KYNU: variants seen among roughly 807,000 people sequenced by gnomAD.
KYNU encodes the protein L-kynurenine hydrolase.
A neutral mutation model predicts 59.2 loss-of-function variants in KYNU; 54 were observed. The ratio of observed to expected loss-of-function variants is 0.91; its 90% confidence interval spans 0.73 to 1.14. The LOEUF (loss-of-function observed/expected upper bound fraction) is 1.14. Among genes scored for constraint, KYNU ranks in the 50% most tolerant of loss-of-function variants. KYNU has a pLI of 0.00. For synonymous variants in KYNU, 177 were observed against 192.0 expected, an observed-to-expected ratio of 0.92 and a Z score of 0.65; for missense variants, 567 against 554.4, an observed-to-expected ratio of 1.02 and a Z score of -0.23.
intron 4 of KYNU, among the ~76,000 whole-genome samples, chr2:142,932,152 G>T (rs1479100428): frequency 6.6e-6 from 1 of 152,162 alleles, no homozygotes; most frequent in Non-Finnish European, 1.5e-5. Context: ...TCTCAGACAT[G>T]GCTGGAAAGG....
chr2:142,960,724 G>T lies in KYNU; in HGVS notation c.683G>T (p.Gly228Val), dbSNP rs1684315275. 6.2e-7 allele frequency: 1 copy of T among 1,613,828 alleles called. No homozygotes were observed. Among genetic ancestry groups the T allele is most frequent in the African/African-American group, 1.3e-5 (1 of 74,880 alleles). Residue 228 changes from glycine (G) to valine (V), a missense_variant, in exon 8 of 14, where the codon GGA becomes GTA. By Grantham distance (109) the Gly-to-Val change is moderately radical. Coordinates refer to ENST00000264170, the MANE Select transcript of KYNU (RefSeq NM_003937.3). ...TTCAGTGGGGTGCATTTTTACACTG[G>T]ACAGCACTTTAATATTCCTGCCATC... ...ILFSGVHFYT[G>V]QHFNIPAITK...
chr2:142,950,448 G>A (rs1422258956), intron 4 of KYNU, among the ~76,000 whole-genome samples: 1 of 152,194 alleles, frequency 6.6e-6, no homozygotes, highest in Non-Finnish European at 1.5e-5. Flanking sequence ...TCACAATCAT[G>A]GCAGAAGGCA....
rs1169500832 is a variant in KYNU, at chr2:143,045,092, C to A, written c.*2920C>A. ...CAACACTATTTATTAAATAGGGAAT[C>A]TTTTCCCCATTGCTTGTTTTTGTCA... On this transcript the variant is annotated 3_prime_UTR_variant, in exon 14 of 14. Coordinates refer to ENST00000264170, the MANE Select transcript of KYNU (RefSeq NM_003937.3). 2.0e-5 allele frequency: 3 copies of A among 152,074 alleles called. No individual in the cohort carries two copies. Among genetic ancestry groups the A allele is most frequent in the Non-Finnish European group, 4.4e-5 (3 of 68,006 alleles). 9.4% of individuals were successfully genotyped at this position (152,074 alleles called of 1,614,324 possible). A position where few individuals can be genotyped will look rare whatever the true frequency, so the allele number is the denominator to read the frequency against.
chr2:142,922,404 T>C (rs113306617), intron 3 of KYNU, among the ~76,000 whole-genome samples: 1,609 of 151,952 alleles, frequency 0.011, 14 homozygotes, highest in Middle Eastern at 0.027. Context: ...ATTCGTGAGG[T>C]TGAGGTGGGA....
rs568537449 is a variant in KYNU, at chr2:142,878,094, A to T, written c.-20+358A>T. On this transcript the variant is annotated intron_variant, in intron 1 of 13. Transcript: ENST00000264170. ...AGACGAGGGAAAGATATTCTTAAAC[A>T]GATTTTAAGTCCTCTGTTTTCTGGT... is the stretch of plus-strand genomic sequence containing the variant. 9.9e-5 allele frequency among the ~76,000 whole-genome samples: 15 copies of T among 152,284 alleles called. No individual in the cohort carries two copies. In the South Asian group the frequency reaches 2.9e-3, roughly 29 times the overall value.
chr2:142,917,007 T>A (rs181720169), intron 2 of KYNU, among the ~76,000 whole-genome samples: 32 of 152,294 alleles, frequency 2.1e-4, no homozygotes, highest in South Asian at 8.3e-4. Context: ...ATACCTACTT[T>A]AAAGAAAAAT....
At chr2:142,922,679 T>C (rs937311098) in intron 3 of KYNU, among the ~76,000 whole-genome samples, 2 of 152,168 alleles carry the variant, frequency 1.3e-5, no homozygotes, top group African/African-American at 4.8e-5. Context: ...TGCAGACATA[T>C]TGCCTACCAC....
At chr2:142,900,096 C>T (rs760836482) in intron 2 of KYNU, among the ~76,000 whole-genome samples, 20 of 152,154 alleles carry the variant, frequency 1.3e-4, no homozygotes, top group African/African-American at 2.9e-4. Flanking sequence ...CCATGGGTCA[C>T]GGAAGAGAAC....
At chr2:143,024,313 T>C (rs922798251) in intron 10 of KYNU, among the ~76,000 whole-genome samples, 1 of 151,994 alleles carries the variant, frequency 6.6e-6, no homozygotes, top group African/African-American at 2.4e-5. Flanking sequence ...GTTACCTTAA[T>C]CTCCACATTT....
intron 8 of KYNU, among the ~76,000 whole-genome samples, chr2:142,982,184 A>G (rs778609531): frequency 6.6e-6 from 1 of 152,114 alleles, no homozygotes; most frequent in Non-Finnish European, 1.5e-5. Flanking sequence ...TGGAGCAGGT[A>G]TGTGCACTTG....
chr2:143,042,141 C>T lies in KYNU; in HGVS notation c.1367C>T (p.Ser456Phe), dbSNP rs768050641. 2 of 1,610,092 alleles carry T rather than the reference C, an allele frequency of 1.2e-6. No homozygotes were observed. Among genetic ancestry groups the T allele is most frequent in the Non-Finnish European group, 1.7e-6 (2 of 1,178,292 alleles). ...TATAAATTTACCAATCTGCTCACTT[C>T]TATACTTGACTCTGCAGAAACAAAA... ...DVYKFTNLLT[S>F]ILDSAETKN Residue 456 changes from serine (S) to phenylalanine (F), a missense_variant, in exon 14 of 14, where the codon TCT becomes TTT. Ser to Phe is a radical substitution (Grantham distance 155). Transcript: ENST00000264170.
chr2:142,999,007 CAAAAAAAAAA>C (rs59742828), intron 10 of KYNU, among the ~76,000 whole-genome samples: 6 of 63,478 alleles, frequency 9.5e-5, no homozygotes, highest in East Asian at 3.5e-4. Flanking sequence ...GACTCCGTCT[CAAAAAAAAAA>C]AAAAAAAAAA....
At chr2:143,023,970 G>A (rs1250333398) in intron 10 of KYNU, among the ~76,000 whole-genome samples, 1 of 151,598 alleles carries the variant, frequency 6.6e-6, no homozygotes, top group African/African-American at 2.4e-5. Context: ...TCATCAGATT[G>A]TACTACGAAG....
In KYNU at chr2:142,957,732, G is replaced by T. The variant is rs1438829789; in HGVS notation, c.582+17G>T. 2.7e-6 allele frequency: 4 copies of T among 1,462,102 alleles called. No homozygotes were observed. Among genetic ancestry groups the T allele is most frequent in the South Asian group, 1.1e-5 (1 of 87,762 alleles). 90.6% of individuals were successfully genotyped at this position (1,462,102 alleles called of 1,614,324 possible). Reference sequence around the variant, plus strand: ...CCAAGAGAGGTATATGAGAAAGAAAGAAATATTTGTCATGCTTTGTTTAGT... The same window carrying T: ...CCAAGAGAGGTATATGAGAAAGAAATAAATATTTGTCATGCTTTGTTTAGT... On this transcript the variant is annotated intron_variant, in intron 7 of 13. Coordinates refer to ENST00000264170, the MANE Select transcript of KYNU (RefSeq NM_003937.3).
rs549117375 is a variant in KYNU at position 142,915,171 on chromosome 2, G to A, written c.170-3438G>A. Among the ~76,000 whole-genome samples the A allele has an allele frequency of 3.9e-5, 6 of 152,294 alleles. No homozygotes were observed. In the South Asian group the frequency reaches 1.2e-3, roughly 32 times the overall value. On this transcript the variant is annotated intron_variant, in intron 2 of 13. Transcript: ENST00000264170. ...AAATATATTGTATGAGGTGGGAAGT[G>A]GTGGTAGTGAGCAGATCGTGAGACA...
chr2:142,905,893 G>A (rs955622075), intron 2 of KYNU, among the ~76,000 whole-genome samples: 10 of 152,122 alleles, frequency 6.6e-5, no homozygotes, highest in South Asian at 4.1e-4. Context: ...GAAGACCTTC[G>A]ATTATCAATT....
At chr2:142,966,555 T>C (rs1393504386) in intron 8 of KYNU, among the ~76,000 whole-genome samples, 1 of 152,200 alleles carries the variant, frequency 6.6e-6, no homozygotes, top group East Asian at 1.9e-4. Context: ...GTGTTCCTGA[T>C]GGAATAGGAT....
intron 4 of KYNU, among the ~76,000 whole-genome samples, chr2:142,952,768 TC>T (rs1684033374): frequency 6.6e-6 from 1 of 152,198 alleles, no homozygotes; most frequent in Non-Finnish European, 1.5e-5. Context: ...ACAGAAAGCC[TC>T]CTTTTTCCTG....
intron 11 of KYNU, 52 bp downstream of exon 11, chr2:143,029,731 T>G: frequency 9.4e-7 from 1 of 1,060,140 alleles, no homozygotes; most frequent in African/African-American, 1.6e-5. Context: ...TTTATTTCAA[T>G]GTTCATCTGT....
Sources: gnomAD v4.1 joint callset for allele counts (sites outside exome capture counted in the v4.1 genomes callset) on GRCh38, gnomAD v4.1.1 for gene constraint, MANE v1.5 for transcripts, NCBI Gene and HGNC (gene_info 2026-07-23, HGNC 2026-07-21) for gene names.